The following ULK4 variants were observed in gnomAD, a reference collection of about 807,000 sequenced individuals.
ULK4 encodes the protein inactive serine/threonine-protein kinase ULK4.
In ULK4, 133 loss-of-function variants were observed where a neutral mutation model predicts 160.6. The ratio of observed to expected loss-of-function variants is 0.83; its 90% CI spans 0.72 to 0.96. ULK4 has a LOEUF of 0.96. Among genes scored for constraint, ULK4 ranks in the 40% least tolerant of loss-of-function variants. The pLI, the probability that ULK4 is intolerant of heterozygous loss-of-function variation, is 0.00. For synonymous variants in ULK4, 534 were observed against 539.8 expected (o/e 0.99, Z 0.15); for missense variants, 1,580 against 1,499.5 (o/e 1.05, Z -0.89).
chr3:41,888,168 G>C (rs1272323458), intron 16 of ULK4, among the ~76,000 whole-genome samples: 1 of 151,814 alleles, frequency 6.6e-6, no homozygotes, highest in Admixed American at 6.6e-5. Context: ...AGAATAAAAG[G>C]GAAAGGTAAA....
At chr3:41,501,480 A>G (rs754650891) in intron 32 of ULK4, among the ~76,000 whole-genome samples, 61 of 152,222 alleles carry the variant, frequency 4.0e-4, no homozygotes, top group Non-Finnish European at 7.6e-4. Flanking sequence ...CCTGGGTGAC[A>G]GAGCAAGACT....
intron 29 of ULK4, among the ~76,000 whole-genome samples, chr3:41,664,343 T>C (rs998841700): frequency 4.6e-5 from 7 of 152,116 alleles, no homozygotes; most frequent in African/African-American, 1.4e-4. Flanking sequence ...CTGAATCATA[T>C]GGGAAAGGGT....
At chr3:41,398,995 A>G (rs1331127667) in intron 34 of ULK4, among the ~76,000 whole-genome samples, 3 of 152,070 alleles carry the variant, frequency 2.0e-5, no homozygotes, top group Admixed American at 6.6e-5. Context: ...ATTATTAACT[A>G]TAGTGCAGTG....
chr3:41,375,609 C>T (rs561937303), intron 35 of ULK4, among the ~76,000 whole-genome samples: 4 of 150,398 alleles, frequency 2.7e-5, no homozygotes, highest in African/African-American at 7.4e-5. Flanking sequence ...CCCTTCCCTA[C>T]ACCTTATACA....
At chr3:41,374,651 G>A (rs2125787016) in intron 35 of ULK4, among the ~76,000 whole-genome samples, 1 of 152,208 alleles carries the variant, frequency 6.6e-6, no homozygotes. Context: ...AACAATAAGA[G>A]CTATTTATGA....
At chr3:41,835,021 G>A (rs1311546065) in intron 18 of ULK4, among the ~76,000 whole-genome samples, 1 of 152,148 alleles carries the variant, frequency 6.6e-6, no homozygotes, top group Non-Finnish European at 1.5e-5. Context: ...TCAATACACA[G>A]ATTCAGTACA....
intron 35 of ULK4, among the ~76,000 whole-genome samples, chr3:41,311,894 A>ATATATATATATATATATATATATATG (rs1164908059): frequency 4.6e-5 from 7 of 151,352 alleles, no homozygotes; most frequent in African/African-American, 1.7e-4. Context: ...ATATATATAT[A>ATATATATATATATATATATATATATG]TCCTATTAGT....
chr3:41,448,566 TCTGA>T (rs2083356643), intron 34 of ULK4, among the ~76,000 whole-genome samples: 1 of 152,172 alleles, frequency 6.6e-6, no homozygotes, highest in African/African-American at 2.4e-5. Flanking sequence ...GAAAGAACAC[TCTGA>T]CTGTACCATG....
chr3:41,850,473 G>A (rs1318928983), intron 17 of ULK4, among the ~76,000 whole-genome samples: 1 of 151,668 alleles, frequency 6.6e-6, no homozygotes, highest in African/African-American at 2.4e-5. Flanking sequence ...TCCAGCACCT[G>A]TTGTTTCCTG....
At chr3:41,757,493 G>A (rs1284663539) in intron 21 of ULK4, among the ~76,000 whole-genome samples, 1 of 151,554 alleles carries the variant, frequency 6.6e-6, no homozygotes, top group East Asian at 2.0e-4. Context: ...TTAGCCAGGT[G>A]TGGTGGCGGG....
chr3:41,764,878 G>A (rs1440681938), intron 21 of ULK4, among the ~76,000 whole-genome samples: 1 of 152,204 alleles, frequency 6.6e-6, no homozygotes, highest in Admixed American at 6.5e-5. Context: ...ATAAATCTGT[G>A]AGAAGTATTC....
At position 41,303,647 on chromosome 3, in the gene ULK4, G is replaced by A. The variant is rs1032624795; in HGVS notation, c.3679-54073C>T. 1.2e-4 allele frequency among the ~76,000 whole-genome samples: 19 copies of A among 152,340 alleles called. No homozygotes were observed. The South Asian group carries it at 3.7e-3, about 30-fold the overall frequency. On this transcript the variant is annotated intron_variant, in intron 35 of 36. Transcript: ENST00000301831. ...AATAAGGGGTTTCCTGTGCCAGGGA[G>A]TAGTGATGATCTTCAAGATCACAGC...
chr3:41,862,751 G>GAGTC (rs1191703211), intron 17 of ULK4, among the ~76,000 whole-genome samples: 1 of 151,216 alleles, frequency 6.6e-6, no homozygotes, highest in Non-Finnish European at 1.5e-5. Context: ...CGAACATACA[G>GAGTC]AGTCAGTCAG....
intron 33 of ULK4, among the ~76,000 whole-genome samples, chr3:41,459,195 G>T (rs1182334625): frequency 6.6e-6 from 1 of 151,950 alleles, no homozygotes; most frequent in Non-Finnish European, 1.5e-5. Flanking sequence ...AGGACTACAG[G>T]TGTGTGCCAC....
chr3:41,316,762 A>G (rs1314774644), intron 35 of ULK4, among the ~76,000 whole-genome samples: 1 of 152,160 alleles, frequency 6.6e-6, no homozygotes, highest in African/African-American at 2.4e-5. Context: ...AAATGGATAT[A>G]TTATTTTCCC....
chr3:41,830,550 C>G (rs1369384620), intron 18 of ULK4, among the ~76,000 whole-genome samples: 4 of 151,894 alleles, frequency 2.6e-5, no homozygotes, highest in African/African-American at 9.7e-5. Context: ...GAACATTTAT[C>G]AAATTGTGAT....
At chr3:41,802,064 T>G (rs567300352) in intron 19 of ULK4, among the ~76,000 whole-genome samples, 1 of 151,882 alleles carries the variant, frequency 6.6e-6, no homozygotes, top group Admixed American at 6.5e-5. Context: ...AAATAACATC[T>G]TTCAAAAACA....
chr3:41,310,452 C>T (rs1386496307), intron 35 of ULK4, among the ~76,000 whole-genome samples: 2 of 151,882 alleles, frequency 1.3e-5, no homozygotes, highest in African/African-American at 2.4e-5. Context: ...GCTGGGAGGG[C>T]GGGGGAAGGC....
intron 34 of ULK4, among the ~76,000 whole-genome samples, chr3:41,403,859 T>A (rs1337685901): frequency 6.6e-6 from 1 of 152,200 alleles, no homozygotes; most frequent in Non-Finnish European, 1.5e-5. Context: ...CCATGAGTTA[T>A]CAGTGTGTTT....
Sources: allele counts gnomAD v4.1 joint callset (sites outside exome capture counted in the v4.1 genomes callset), GRCh38; gene constraint gnomAD v4.1.1; transcripts MANE v1.5; gene names NCBI Gene and HGNC (gene_info 2026-07-23, HGNC 2026-07-21).